XRN2: variants seen among roughly 807,000 people sequenced by gnomAD.
XRN2 encodes DHM1-like protein.
A neutral mutation model predicts 138.5 loss-of-function variants in XRN2; 44 were observed. The ratio of observed to expected loss-of-function variants is 0.32; its 90% CI spans 0.25 to 0.41. The LOEUF is 0.41. Ranked by LOEUF, XRN2 falls within the 10% of genes least tolerant of loss-of-function variation. The probability of loss-of-function intolerance (pLI) is 1.00; values close to 1 mark genes in which losing one functional copy is unlikely to be tolerated. For missense variants in XRN2, 937 were observed against 1,169.3 expected (o/e 0.80, Z 2.90); for synonymous variants, 354 against 369.4 (o/e 0.96, Z 0.48).
In XRN2 at chr20:21,303,336, T is replaced by C. The variant is rs2037763948; in HGVS notation, c.-63T>C. ...AGGAAGTGCTGGTGCCCTCTGCCGC[T>C]GCTCCCGTCTCTTTGGTTACGCTCG... On this transcript the variant is annotated 5_prime_UTR_variant, in exon 1 of 30. Transcript: ENST00000377191. 2 of 1,529,466 alleles carry C rather than the reference T, an allele frequency of 1.3e-6. No homozygotes were observed. Among genetic ancestry groups the C allele is most frequent in the Non-Finnish European group, 1.8e-6 (2 of 1,135,720 alleles). The allele number at this position is 1,529,466 out of a possible 1,614,324, so 94.7% of individuals were successfully genotyped here. A position where few individuals can be genotyped will look rare whatever the true frequency, so the allele number is the denominator to read the frequency against.
chr20:21,347,498 G>C (rs1367791932), intron 17 of XRN2, among the ~76,000 whole-genome samples: 1 of 152,182 alleles, frequency 6.6e-6, no homozygotes, highest in Non-Finnish European at 1.5e-5. Flanking sequence ...AGTGCACTGA[G>C]TATTGACCGT....
chr20:21,343,538 G>A (rs1174462155), intron 15 of XRN2, among the ~76,000 whole-genome samples: 3 of 151,450 alleles, frequency 2.0e-5, no homozygotes, highest in African/African-American at 7.3e-5. Flanking sequence ...CAGAGTGGTT[G>A]TACTAGGTTG....
chr20:21,319,934 A>G (rs1027423074), intron 1 of XRN2, among the ~76,000 whole-genome samples: 1 of 152,160 alleles, frequency 6.6e-6, no homozygotes, highest in African/African-American at 2.4e-5. Flanking sequence ...ATTGCTTTTT[A>G]ATTCAATTAA....
chr20:21,319,751 G>T (rs140508332), intron 1 of XRN2, among the ~76,000 whole-genome samples: 3,330 of 151,918 alleles, frequency 0.022, 76 homozygotes, highest in Non-Finnish European at 0.028. Context: ...TACATATATT[G>T]ACATAATCCA....
At chr20:21,355,087 ATTTC>A (rs970196207) in intron 21 of XRN2, among the ~76,000 whole-genome samples, 2 of 152,196 alleles carry the variant, frequency 1.3e-5, no homozygotes, top group African/African-American at 4.8e-5. Flanking sequence ...ACTTACAAGT[ATTTC>A]TTAAATTTTT....
At chr20:21,324,709 C>G (rs561120356) in intron 1 of XRN2, among the ~76,000 whole-genome samples, 3 of 152,172 alleles carry the variant, frequency 2.0e-5, no homozygotes, top group Non-Finnish European at 4.4e-5. Flanking sequence ...TCATAGCTCA[C>G]GGCAGCCTTG....
At position 21,368,581 on chromosome 20, in the gene XRN2, C is replaced by G. The variant is rs1053277104; in HGVS notation, c.2575C>G (p.Leu859Val). Reference sequence around the variant, plus strand: ...GAGAGGACAAGCCCAGATTCCAAAACTTATGTCAAGTAAGCTTTTACAAAT... The same window carrying G: ...GAGAGGACAAGCCCAGATTCCAAAAGTTATGTCAAGTAAGCTTTTACAAAT... ...LLRGQAQIPKLMSNMRPQDSW... is the reference protein window; with the variant it reads ...LLRGQAQIPKVMSNMRPQDSW... Residue 859 changes from leucine to valine, a missense_variant, in exon 27 of 30, where the codon CTT becomes GTT. Leu to Val is a conservative substitution (Grantham distance 32, BLOSUM62 1). Transcript: ENST00000377191. 1.9e-6 allele frequency: 3 copies of G among 1,613,036 alleles called. No homozygotes were observed. The highest frequency in any genetic ancestry group is 2.5e-6 in the Non-Finnish European group (3 of 1,179,684).
chr20:21,366,239 A>G (rs1479561204), intron 26 of XRN2, among the ~76,000 whole-genome samples: 2 of 136,888 alleles, frequency 1.5e-5, no homozygotes, highest in Non-Finnish European at 3.1e-5. Context: ...TATTATATAT[A>G]TAAACTTTAT....
intron 15 of XRN2, among the ~76,000 whole-genome samples, chr20:21,341,648 A>G (rs2038373447): frequency 1.3e-5 from 2 of 152,228 alleles, no homozygotes; most frequent in Admixed American, 6.5e-5. Context: ...AGAGGAAGGA[A>G]CATACACTTT....
intron 15 of XRN2, among the ~76,000 whole-genome samples, chr20:21,341,968 G>A (rs1448718717): frequency 6.6e-6 from 1 of 152,116 alleles, no homozygotes; most frequent in Non-Finnish European, 1.5e-5. Context: ...GGACCAGACT[G>A]TAGATCGATA....
At chr20:21,338,953 T>A (rs2038335666) in intron 13 of XRN2, 91 bp from the exon 14 acceptor site, 3 of 1,285,798 alleles carry the variant, frequency 2.3e-6, no homozygotes. Flanking sequence ...CCTTTAAAAC[T>A]TAAGTTGTCT....
chr20:21,317,242 G>T (rs2037972133), intron 1 of XRN2, among the ~76,000 whole-genome samples: 1 of 151,452 alleles, frequency 6.6e-6, no homozygotes, highest in Non-Finnish European at 1.5e-5. Flanking sequence ...TTGTTTGTTT[G>T]TTTTTGTTTT....
Position 21,349,395 on chromosome 20 carries a change from A to G in XRN2, c.1870A>G (p.Ser624Gly). 4.4e-6 allele frequency: 7 copies of G among 1,585,054 alleles called. No individual in the cohort carries two copies. In the East Asian group the frequency reaches 6.7e-5, roughly 15 times the overall value. Residue 624 changes from serine to glycine, a missense_variant, in exon 20 of 30, where the codon AGT becomes GGT. This residue lies in a region of XRN2 where 372 missense variants were observed against 414.4 expected (regional missense o/e 0.90). Coordinates refer to ENST00000377191, the MANE Select transcript of XRN2 (RefSeq NM_012255.5). ...WRKLMSDPDS[S>G]IIDFYPEDFA... is the part of the protein sequence containing the mutation. The stretch of plus-strand genomic sequence containing the variant: ...ACTTTTCTCCCTAATATAGGATTCT[A>G]GTATAATTGACTTCTATCCTGAAGA...
At chr20:21,338,018 G>A (rs1376593915) in intron 13 of XRN2, among the ~76,000 whole-genome samples, 1 of 152,132 alleles carries the variant, frequency 6.6e-6, no homozygotes, top group African/African-American at 2.4e-5. Flanking sequence ...GAGGTTTTAG[G>A]GTAGTTGATC....
At chr20:21,378,807 A>G (rs898074985) in intron 27 of XRN2, among the ~76,000 whole-genome samples, 1 of 152,202 alleles carries the variant, frequency 6.6e-6, no homozygotes, top group East Asian at 1.9e-4. Context: ...CATTTGGTCA[A>G]ACTGACAACT....
intron 4 of XRN2, among the ~76,000 whole-genome samples, chr20:21,330,230 G>GC (rs1213423167): frequency 6.6e-6 from 1 of 152,120 alleles, no homozygotes; most frequent in Non-Finnish European, 1.5e-5. Context: ...GTTGCAGTGA[G>GC]CCGAGATTGC....
chr20:21,366,171 T>TA (rs1358088456), intron 26 of XRN2, among the ~76,000 whole-genome samples: 10 of 103,012 alleles, frequency 9.7e-5, no homozygotes, highest in Admixed American at 2.4e-4. Flanking sequence ...GTTTATATAA[T>TA]ATATATAAAT....
intron 13 of XRN2, among the ~76,000 whole-genome samples, chr20:21,335,752 GTC>G (rs1158518916): frequency 6.6e-6 from 1 of 152,170 alleles, no homozygotes; most frequent in African/African-American, 2.4e-5. Flanking sequence ...AGCTTCTACT[GTC>G]TCTTTAGCCG....
rs535941002 is a variant in XRN2 at position 21,331,943 on chromosome 20, C to T, written c.700+125C>T. The T allele has an allele frequency of 1.1e-5, 11 of 1,002,118 alleles. No homozygotes were observed. In the African/African-American group the frequency reaches 1.2e-4, roughly 11 times the overall value. The allele number at this position is 1,002,118 out of a possible 1,614,324, so 62.1% of individuals were successfully genotyped here. On this transcript the variant is annotated intron_variant, in intron 8 of 29. Coordinates refer to ENST00000377191, the MANE Select transcript of XRN2 (RefSeq NM_012255.5). ...CAAAATGCCTTGGTTATTTTATGTT[C>T]GACAGGGAACTAGTATTGAGTTGCT...
Sources: gnomAD v4.1 joint callset for allele counts (sites outside exome capture counted in the v4.1 genomes callset) on GRCh38, gnomAD v4.1.1 for gene constraint, gnomAD v4.1.1 regional missense constraint, MANE v1.5 for transcripts, NCBI Gene and HGNC (gene_info 2026-07-23, HGNC 2026-07-21) for gene names.